Variants in B3GALNT1 observed in about 807,000 individuals in gnomAD.
The protein encoded by B3GALNT1 is beta-1,3-N-acetylgalactosaminyltransferase 1 (Globoside blood group), also known as UDP-GalNAc:beta-1,3-N-acetylgalactosaminyltransferase 1.
In B3GALNT1, 17 loss-of-function variants were observed where a neutral mutation model predicts 27.3. The ratio of observed to expected loss-of-function variants is 0.62; its 90% confidence interval spans 0.43 to 0.94. The LOEUF (loss-of-function observed/expected upper bound fraction) is 0.94, where lower values mean the gene tolerates loss of function less well. Ranked by LOEUF, B3GALNT1 falls within the 40% of genes least tolerant of loss-of-function variation. The pLI is 0.00. For synonymous variants in B3GALNT1, 141 were observed against 144.0 expected (o/e 0.98, Z 0.15); for missense variants, 347 against 390.0 (o/e 0.89, Z 0.93).
rs550913418 is a variant in B3GALNT1 at position 161,085,056 on chromosome 3, A to G, written c.*703T>C. The G allele has an allele frequency of 4.4e-4, 67 of 152,344 alleles. No homozygotes were observed. The highest frequency in any genetic ancestry group is 1.6e-3 in the African/African-American group (66 of 41,598). 9.4% of individuals were successfully genotyped at this position (152,344 alleles called of 1,614,324 possible). A position where few individuals can be genotyped will look rare whatever the true frequency, so the allele number is the denominator to read the frequency against. On this transcript the variant is annotated 3_prime_UTR_variant, in exon 5 of 5. Coordinates refer to ENST00000320474, the MANE Select transcript of B3GALNT1 (RefSeq NM_003781.4). ...TTTAACAAAGTCCAAGAGATTACTGATATGCAATAATGACCTATGACTTTA... is the reference window on the plus strand; with the variant it reads ...TTTAACAAAGTCCAAGAGATTACTGGTATGCAATAATGACCTATGACTTTA...
At position 161,086,785 on chromosome 3, in the gene B3GALNT1, G is replaced by A. The variant is rs763858736; in HGVS notation, c.-31C>T. On this transcript the variant is annotated 5_prime_UTR_variant, in exon 5 of 5. Coordinates refer to ENST00000320474, the MANE Select transcript of B3GALNT1 (RefSeq NM_003781.4). Reference sequence around the variant, plus strand: ...GCAGCTCAGAAGCACGCGAGCCGAAGGTTCTGGAAGAGTTATCAAAGATTG... The same window carrying A: ...GCAGCTCAGAAGCACGCGAGCCGAAAGTTCTGGAAGAGTTATCAAAGATTG... 13 of 1,612,038 alleles carry A rather than the reference G, an allele frequency of 8.1e-6. No individual in the cohort carries two copies. In the Admixed American group the frequency reaches 1.8e-4, roughly 23 times the overall value.
intron 4 of B3GALNT1, among the ~76,000 whole-genome samples, chr3:161,099,137 G>A (rs1729817483): frequency 6.6e-6 from 1 of 152,198 alleles, no homozygotes; most frequent in African/African-American, 2.4e-5. Context: ...TTCCACAAAA[G>A]TGCCAGAGAC....
chr3:161,097,405 A>G (rs1201799477), intron 4 of B3GALNT1, among the ~76,000 whole-genome samples: 1 of 152,154 alleles, frequency 6.6e-6, no homozygotes, highest in Non-Finnish European at 1.5e-5. Flanking sequence ...TAACTCCCAA[A>G]TGTGTCTTAC....
Position 161,103,508 on chromosome 3 carries a change from T to C in B3GALNT1, c.-211A>G, listed in dbSNP as rs1022058691. On this transcript the variant is annotated 5_prime_UTR_variant, in exon 3 of 5. Coordinates refer to ENST00000320474, the MANE Select transcript of B3GALNT1 (RefSeq NM_003781.4). ...TGCTTAATTAAAACACTCAGATCTG[T>C]TGTGAACTACTGAACAGAAGAACAG... is the stretch of plus-strand genomic sequence containing the variant. 2 of 1,262,572 alleles carry C rather than the reference T, an allele frequency of 1.6e-6. No homozygotes were observed. Among genetic ancestry groups the C allele is most frequent in the East Asian group, 5.6e-5 (1 of 17,876 alleles). The allele number at this position is 1,262,572 out of a possible 1,614,324, so 78.2% of individuals were successfully genotyped here.
intron 2 of B3GALNT1, 197 bp downstream of exon 2, chr3:161,104,122 G>C (rs993909825): frequency 3.1e-6 from 1 of 323,914 alleles, no homozygotes; most frequent in African/African-American, 2.2e-5. Flanking sequence ...GGGGAAAAAA[G>C]TCATAGTCTC....
chr3:161,090,780 A>G (rs961475790), intron 4 of B3GALNT1, among the ~76,000 whole-genome samples: 3 of 152,202 alleles, frequency 2.0e-5, no homozygotes, highest in African/African-American at 7.2e-5. Context: ...AGAGAACACC[A>G]TATCTGCACT....
chr3:161,089,540 TACATTA>T (rs1173671470), intron 4 of B3GALNT1, among the ~76,000 whole-genome samples: 1 of 152,236 alleles, frequency 6.6e-6, no homozygotes, highest in Admixed American at 6.5e-5. Context: ...TTTAAGAATG[TACATTA>T]ACCTTTACAT....
intron 3 of B3GALNT1, among the ~76,000 whole-genome samples, chr3:161,102,808 G>A (rs1732081404): frequency 1.3e-5 from 2 of 152,170 alleles, no homozygotes; most frequent in South Asian, 2.1e-4. Context: ...TGATATAGTT[G>A]TGAAAGGGAC....
rs1474028353 is a variant in B3GALNT1, at chr3:161,086,094, T to A, written c.661A>T (p.Lys221Ter). 1 of 1,599,800 alleles carries A rather than the reference T, an allele frequency of 6.3e-7. No homozygotes were observed. Among genetic ancestry groups the A allele is most frequent in the Non-Finnish European group, 8.5e-7 (1 of 1,174,022 alleles). ...TACTCCTGGTAAGAAATATGGGTTT[T>A]TTGGTAAAATCCTCTATAGGAATAA... Reference protein sequence around the residue: ...DNYSYRGFYQKTHISYQEYPF... With the variant: ...DNYSYRGFYQ The change falls in exon 5 of 5, where the codon AAA (lysine) becomes TAA (stop). Residue 221 changes from lysine (K) to a stop codon, truncating the protein, a stop_gained. Transcript: ENST00000320474. LOFTEE classifies it high-confidence loss of function.
Position 161,086,023 on chromosome 3 carries a change from T to TA in B3GALNT1, c.731dup (p.Met245AsnfsTer11). On this transcript the variant is annotated frameshift_variant, in exon 5 of 5. Transcript: ENST00000320474. LOFTEE classifies it high-confidence loss of function. The stretch of plus-strand genomic sequence containing the variant: ...TCCTTGGCACCAAATCTCTGGACAT[T>TA]ATATAACCCAACCCACTGCAGTATG... 2 of 1,587,956 alleles carry TA rather than the reference T, an allele frequency of 1.3e-6. No homozygotes were observed. Among genetic ancestry groups the TA allele is most frequent in the Non-Finnish European group, 1.7e-6 (2 of 1,169,328 alleles).
At position 161,083,965 on chromosome 3, in the gene B3GALNT1, T is replaced by C. The variant is rs1187538567; in HGVS notation, c.*1794A>G. 2.0e-5 allele frequency: 3 copies of C among 152,248 alleles called. No individual in the cohort carries two copies. Among genetic ancestry groups the C allele is most frequent in the African/African-American group, 4.8e-5 (2 of 41,470 alleles). 9.4% of individuals were successfully genotyped at this position (152,248 alleles called of 1,614,324 possible). ...CTGTACATAACTGAATGTGCTGTAC[T>C]TTTATACAACTGGCAGTGTAGTAGG... On this transcript the variant is annotated 3_prime_UTR_variant, in exon 5 of 5. Coordinates refer to ENST00000320474, the MANE Select transcript of B3GALNT1 (RefSeq NM_003781.4).
intron 4 of B3GALNT1, among the ~76,000 whole-genome samples, chr3:161,087,515 C>T (rs1722674464): frequency 6.6e-6 from 1 of 152,218 alleles, no homozygotes; most frequent in Non-Finnish European, 1.5e-5. Flanking sequence ...TGCATAGCAA[C>T]TGTTTAAATC....
intron 4 of B3GALNT1, among the ~76,000 whole-genome samples, chr3:161,087,599 A>G (rs1416993042): frequency 1.3e-5 from 2 of 152,214 alleles, no homozygotes; most frequent in East Asian, 1.9e-4. Context: ...CCCAATCAGA[A>G]TCATGGGATG....
intron 3 of B3GALNT1, 92 bp from the exon 4 acceptor site, chr3:161,101,325 CT>C (rs1405138946): frequency 2.9e-6 from 2 of 693,148 alleles, no homozygotes; most frequent in African/African-American, 1.8e-5. Flanking sequence ...TTACAAAGAG[CT>C]TTATCCACTG....
rs777278805 is a variant in B3GALNT1 at position 161,086,629 on chromosome 3, A to G, written c.126T>C (p.Asn42=). 10 of 1,614,030 alleles carry G rather than the reference A, an allele frequency of 6.2e-6. No individual in the cohort carries two copies. Among genetic ancestry groups the G allele is most frequent in the Middle Eastern group, 1.6e-4 (1 of 6,084 alleles). Residue 42 remains asparagine, a synonymous_variant, in exon 5 of 5, where the codon AAT becomes AAC. Transcript: ENST00000320474. ...VMWYLSLPHY[N]VIERVNWMYF... ...ACATCCAGTTCACGCGTTCTATCAC[A>G]TTGTAGTGGGGAAGGCTGAGGTACC...
At chr3:161,102,362 TC>T in intron 3 of B3GALNT1, among the ~76,000 whole-genome samples, 1 of 152,112 alleles carries the variant, frequency 6.6e-6, no homozygotes, top group Non-Finnish European at 1.5e-5. Context: ...GCAGGTTATC[TC>T]CCCAGCCAAA....
intron 4 of B3GALNT1, among the ~76,000 whole-genome samples, chr3:161,090,451 CA>C (rs565537063): frequency 2.1e-3 from 326 of 152,136 alleles, no homozygotes; most frequent in Non-Finnish European, 3.4e-3. Flanking sequence ...CAACATAACA[CA>C]TTTAAAAAGA....
chr3:161,084,428 T>C lies in B3GALNT1; in HGVS notation c.*1331A>G, dbSNP rs1317465630. 6.6e-6 allele frequency: 1 copy of C among 152,176 alleles called. No individual in the cohort carries two copies. The highest frequency in any genetic ancestry group is 1.5e-5 in the Non-Finnish European group (1 of 68,008). The allele number at this position is 152,176 out of a possible 1,614,324, so 9.4% of individuals were successfully genotyped here. A position where few individuals can be genotyped will look rare whatever the true frequency, so the allele number is the denominator to read the frequency against. On this transcript the variant is annotated 3_prime_UTR_variant, in exon 5 of 5. Coordinates refer to ENST00000320474, the MANE Select transcript of B3GALNT1 (RefSeq NM_003781.4). ...CAAGAGCTGACTACATACTTTCAAGTTTATATTTCCTGACAAAGGATATGA... is the reference window on the plus strand; with the variant it reads ...CAAGAGCTGACTACATACTTTCAAGCTTATATTTCCTGACAAAGGATATGA...
chr3:161,094,200 C>G (rs945504137), intron 4 of B3GALNT1, among the ~76,000 whole-genome samples: 4 of 152,124 alleles, frequency 2.6e-5, no homozygotes, highest in Non-Finnish European at 5.9e-5. Flanking sequence ...GCTCTTCTGA[C>G]CAGAGCTGCT....
Sources: allele counts gnomAD v4.1 joint callset (sites outside exome capture counted in the v4.1 genomes callset), GRCh38; gene constraint gnomAD v4.1.1; transcripts MANE v1.5; gene names NCBI Gene and HGNC (gene_info 2026-07-23, HGNC 2026-07-21).